Variants in TEX2 observed in about 807,000 individuals in gnomAD.
The protein encoded by TEX2 is testis expressed 2.
Under a neutral mutation model 106.9 loss-of-function variants are expected in TEX2, and 53 were observed. The observed-to-expected ratio is 0.50, with a 90% CI of 0.40 to 0.62. The LOEUF is 0.62. Among genes scored for constraint, TEX2 ranks in the 20% least tolerant of loss-of-function variants. TEX2 has a pLI of 0.00. For synonymous variants in TEX2, 523 were observed against 534.8 expected (o/e 0.98, Z 0.30); for missense variants, 1,207 against 1,379.0 (o/e 0.88, Z 1.98).
chr17:64,242,586 C>T (rs1426590754), intron 1 of TEX2, among the ~76,000 whole-genome samples: 1 of 152,184 alleles, frequency 6.6e-6, no homozygotes, highest in African/African-American at 2.4e-5. Flanking sequence ...ACCAAGAGGA[C>T]TGCAGTTTCA....
At chr17:64,249,211 T>A (rs1448850295) in intron 1 of TEX2, among the ~76,000 whole-genome samples, 1 of 152,064 alleles carries the variant, frequency 6.6e-6, no homozygotes, top group African/African-American at 2.4e-5. Context: ...TCAAAAAAAT[T>A]CCTTTTTTCC....
intron 1 of TEX2, among the ~76,000 whole-genome samples, chr17:64,234,260 T>A (rs1018131879): frequency 6.6e-6 from 1 of 152,232 alleles, no homozygotes; most frequent in South Asian, 2.1e-4. Context: ...GATGGCTGTA[T>A]TGGGGCTCCA....
chr17:64,241,816 A>C (rs2033894858), intron 1 of TEX2, among the ~76,000 whole-genome samples: 1 of 152,104 alleles, frequency 6.6e-6, no homozygotes, highest in Admixed American at 6.6e-5. Context: ...AATGTTTTAA[A>C]TAGAGACAGG....
In TEX2 at chr17:64,176,345, C is replaced by T. The variant is rs576965144; in HGVS notation, c.2571+980G>A. Among the ~76,000 whole-genome samples the T allele has an allele frequency of 9.5e-4, 145 of 152,216 alleles. 2 individuals carry two copies. The highest frequency in any genetic ancestry group is 3.4e-3 in the African/African-American group (141 of 41,538). On this transcript the variant is annotated intron_variant, in intron 6 of 11. Coordinates refer to ENST00000584379, the MANE Select transcript of TEX2 (RefSeq NM_001288732.2). ...ATATTTTCCTTCTAATCTAGTTTAC[C>T]GTAGTTCACAGTTTCTTAATCTAGA...
At chr17:64,161,025 C>T in intron 7 of TEX2, 92 bp from the exon 8 acceptor site, 1 of 1,390,886 alleles carries the variant, frequency 7.2e-7, no homozygotes, top group Non-Finnish European at 9.9e-7. Flanking sequence ...TAAATAGGCA[C>T]CATACTGAAA....
intron 1 of TEX2, among the ~76,000 whole-genome samples, chr17:64,251,312 A>G (rs2034086626): frequency 6.6e-6 from 1 of 152,168 alleles, no homozygotes; most frequent in Non-Finnish European, 1.5e-5. Context: ...GAATGCTACT[A>G]AGTCACACAG....
At chr17:64,228,929 T>TACACACACACACACAC (rs57741930) in intron 1 of TEX2, among the ~76,000 whole-genome samples, 5 of 146,648 alleles carry the variant, frequency 3.4e-5, no homozygotes, top group Admixed American at 6.8e-5. Flanking sequence ...GACTGACAGG[T>TACACACACACACACAC]ACACACACAC....
In TEX2 at chr17:64,194,980, T is replaced by C; in HGVS notation, c.1760A>G (p.Asn587Ser). 1.2e-6 allele frequency: 2 copies of C among 1,614,160 alleles called. No homozygotes were observed. Among genetic ancestry groups the C allele is most frequent in the Non-Finnish European group, 1.7e-6 (2 of 1,179,996 alleles). The change falls in exon 3 of 12, where the codon AAT (asparagine) becomes AGT (serine). Residue 587 changes from asparagine to serine, a missense_variant. Asn to Ser is a conservative substitution (Grantham distance 46). Transcript: ENST00000584379. Reference protein sequence around the residue: ...GTLRLSKPNKNISRRASYNEP... With the variant: ...GTLRLSKPNKSISRRASYNEP... ...ATTGTAGCTGGCCCTCCTGGATATA[T>C]TTTTATTGGGCTTTGAAAGTCTTAA...
chr17:64,155,152 A>G, intron 8 of TEX2, 185 bp from the exon 9 acceptor site: 2 of 637,714 alleles, frequency 3.1e-6, no homozygotes, highest in Non-Finnish European at 4.8e-6. Context: ...TCCTTGGATC[A>G]GCGCAGATGC....
intron 1 of TEX2, among the ~76,000 whole-genome samples, chr17:64,262,955 C>T (rs2034323401): frequency 6.6e-6 from 1 of 152,116 alleles, no homozygotes; most frequent in African/African-American, 2.4e-5. Flanking sequence ...CCGGCGGGGC[C>T]CCGAAGGAAG....
At chr17:64,225,417 G>A (rs782009468) in intron 1 of TEX2, among the ~76,000 whole-genome samples, 3 of 152,166 alleles carry the variant, frequency 2.0e-5, no homozygotes, top group Non-Finnish European at 4.4e-5. Context: ...TGGTGCTAGG[G>A]GTGAGGAAAG....
intron 8 of TEX2, chr17:64,155,233 T>C: frequency 2.9e-6 from 1 of 347,310 alleles, no homozygotes; most frequent in Admixed American, 4.8e-5. Context: ...AGGTTGCTTT[T>C]GAGCATGCGT....
intron 4 of TEX2, among the ~76,000 whole-genome samples, chr17:64,190,857 T>C (rs1246387588): frequency 6.6e-6 from 1 of 152,152 alleles, no homozygotes; most frequent in Non-Finnish European, 1.5e-5. Flanking sequence ...TCCGTGTTGC[T>C]AGAGAAATCT....
chr17:64,233,774 G>A (rs897948671), intron 1 of TEX2, among the ~76,000 whole-genome samples: 2 of 152,148 alleles, frequency 1.3e-5, no homozygotes, highest in African/African-American at 2.4e-5. Flanking sequence ...TCAAAGAAGG[G>A]CAAGTCTCTA....
intron 4 of TEX2, among the ~76,000 whole-genome samples, chr17:64,191,367 AG>A (rs2032289710): frequency 6.6e-6 from 1 of 152,198 alleles, no homozygotes; most frequent in South Asian, 2.1e-4. Flanking sequence ...GGGGCCCCTA[AG>A]TACCTAAGGT....
In TEX2 at chr17:64,188,327, G is replaced by T. The variant is rs1238145849; in HGVS notation, c.2265C>A (p.Ile755=). 2 of 1,614,088 alleles carry T rather than the reference G, an allele frequency of 1.2e-6. No individual in the cohort carries two copies. The highest frequency in any genetic ancestry group is 1.7e-6 in the Non-Finnish European group (2 of 1,180,042). The stretch of plus-strand genomic sequence containing the variant: ...GCTCCTTCTGCTTTGGCTGTGACAT[G>T]ATCTCCTCCACACTGCCTTTGCTGC... The part of the protein sequence containing the change: ...RSSSKGSVEE[I]MSQPKQKELA... Residue 755 remains isoleucine (I), a synonymous_variant, in exon 5 of 12, where the codon ATC becomes ATA. Transcript: ENST00000584379.
intron 1 of TEX2, among the ~76,000 whole-genome samples, chr17:64,247,489 G>A (rs1555636416): frequency 6.6e-6 from 1 of 151,936 alleles, no homozygotes; most frequent in African/African-American, 2.4e-5. Flanking sequence ...TCCCTCAAAG[G>A]TCTTCTAGGA....
intron 1 of TEX2, among the ~76,000 whole-genome samples, 170 bp downstream of exon 1, chr17:64,262,998 C>T (rs1213372139): frequency 6.6e-6 from 1 of 152,042 alleles, no homozygotes; most frequent in East Asian, 1.9e-4. Context: ...GTGGGCGTCC[C>T]CTTCAATACC....
At chr17:64,239,180 C>G (rs374874410) in intron 1 of TEX2, 12 of 152,180 alleles carry the variant, frequency 7.9e-5, no homozygotes, top group East Asian at 5.8e-4. Flanking sequence ...AGGAAAGGGA[C>G]GAAGCTGCCA....
Sources: gnomAD v4.1 joint callset for allele counts (sites outside exome capture counted in the v4.1 genomes callset) on GRCh38, gnomAD v4.1.1 for gene constraint, MANE v1.5 for transcripts, NCBI Gene and HGNC (gene_info 2026-07-23, HGNC 2026-07-21) for gene names.